Variants in FANCD2 observed in about 807,000 individuals in gnomAD.
FANCD2 encodes the protein FA complementation group D2.
Under a neutral mutation model 192.3 loss-of-function variants are expected in FANCD2, and 131 were observed. The observed-to-expected ratio is 0.68, with a 90% CI of 0.59 to 0.79. The LOEUF (loss-of-function observed/expected upper bound fraction) is 0.79, where lower values mean the gene tolerates loss of function less well. Ranked by LOEUF, FANCD2 falls within the 30% of genes least tolerant of loss-of-function variation. FANCD2 has a pLI of 0.00. For synonymous variants in FANCD2, 524 were observed against 612.5 expected (o/e 0.86, Z 2.13); for missense variants, 1,508 against 1,701.6 (o/e 0.89, Z 2.00).
chr3:10,067,351 A>G (rs769202819), intron 26 of FANCD2, 34 bp downstream of exon 26: 10 of 1,251,846 alleles, frequency 8.0e-6, no homozygotes, highest in African/African-American at 3.0e-5. Context: ...TAGTACTACT[A>G]GGCCAGTAGT....
intron 29 of FANCD2, among the ~76,000 whole-genome samples, chr3:10,077,419 G>A (rs1179259395): frequency 1.3e-5 from 2 of 152,090 alleles, no homozygotes. Flanking sequence ...GTCAGGCATG[G>A]TGGTGGGCAC....
Position 10,081,265 on chromosome 3 carries a change from T to G in FANCD2, c.3105+37T>G, listed in dbSNP as rs1423646490. The G allele has an allele frequency of 5.0e-6, 8 of 1,613,834 alleles. No homozygotes were observed. The East Asian group carries it at 8.9e-5, about 18-fold the overall frequency. On this transcript the variant is annotated intron_variant, in intron 31 of 43. Transcript: ENST00000675286. Reference sequence around the variant, plus strand: ...AGACTTAGAAGCTGCTAAGCAAATATGAGGTTTCATTTTTGGCTGAGAAAA... The same window carrying G: ...AGACTTAGAAGCTGCTAAGCAAATAGGAGGTTTCATTTTTGGCTGAGAAAA...
Position 10,044,698 on chromosome 3 carries a change from A to G in FANCD2, c.1134+834A>G, listed in dbSNP as rs773297233. Among the ~76,000 whole-genome samples, 7 of 152,130 alleles carry G rather than the reference A, an allele frequency of 4.6e-5. No individual in the cohort carries two copies. In the South Asian group the frequency reaches 6.2e-4, roughly 13 times the overall value. On this transcript the variant is annotated intron_variant, in intron 14 of 43. Coordinates refer to ENST00000675286, the MANE Select transcript of FANCD2 (RefSeq NM_001018115.3). ...GGATTTTTGTTAGTTTTGTTATCCA[A>G]TTTTGGGATGATTATCTTAAAAGCT...
chr3:10,065,529 A>T (rs2087695675), intron 24 of FANCD2, 35 bp downstream of exon 24: 1 of 1,373,104 alleles, frequency 7.3e-7, no homozygotes, highest in Non-Finnish European at 1.0e-6. Context: ...TTTCTTCTTT[A>T]TACTCTTCCT....
intron 16 of FANCD2, among the ~76,000 whole-genome samples, chr3:10,048,589 G>C (rs2087102555): frequency 1.3e-5 from 2 of 152,236 alleles, no homozygotes; most frequent in Non-Finnish European, 2.9e-5. Flanking sequence ...ATAGGCGTGA[G>C]CCATTGGGCC....
intron 34 of FANCD2, among the ~76,000 whole-genome samples, chr3:10,087,758 C>G (rs892129301): frequency 5.3e-5 from 8 of 152,212 alleles, no homozygotes; most frequent in Middle Eastern, 3.4e-3. Flanking sequence ...AAACGATTCT[C>G]CTGCCTCAGC....
intron 3 of FANCD2, among the ~76,000 whole-genome samples, chr3:10,033,949 G>A (rs1282614034): frequency 3.3e-5 from 5 of 150,156 alleles, no homozygotes; most frequent in African/African-American, 4.9e-5. Context: ...CACCTGCCTC[G>A]GCCTCCCAAA....
chr3:10,090,384 A>T lies in FANCD2; in HGVS notation c.3776A>T (p.Gln1259Leu), dbSNP rs1486214768. The T allele has an allele frequency of 6.3e-7, 1 of 1,594,872 alleles. No individual in the cohort carries two copies. The highest frequency in any genetic ancestry group is 1.7e-5 in the Admixed American group (1 of 59,680). Residue 1259 changes from glutamine (Q) to leucine (L), a missense_variant and splice_region_variant, in exon 37 of 44, where the codon CAG becomes CTG. By Grantham distance (113) the Gln-to-Leu change is moderately radical (BLOSUM62 -2). Coordinates refer to ENST00000675286, the MANE Select transcript of FANCD2 (RefSeq NM_001018115.3). ...CCTGGCACAGCAGCAGACTCGCAGC[A>T]GGTGAGTAAGATAATAGTCACTTCA... Reference protein sequence around the residue: ...IEPGTAADSQQIHEEKLLYWN... With the variant: ...IEPGTAADSQLIHEEKLLYWN...
At chr3:10,099,773 G>A (rs1028455159) in intron 43 of FANCD2, 2 of 152,108 alleles carry the variant, frequency 1.3e-5, no homozygotes, top group Non-Finnish European at 2.9e-5. Context: ...CAACAAAAAA[G>A]TGTACATTTA....
chr3:10,039,897 A>G (rs759101076), intron 9 of FANCD2, 52 bp downstream of exon 9: 3 of 1,610,308 alleles, frequency 1.9e-6, no homozygotes, highest in Admixed American at 1.7e-5. Context: ...TGGGGGTTCT[A>G]TCACTGCAGT....
intron 15 of FANCD2, 127 bp from the exon 16 acceptor site, chr3:10,047,790 G>C (rs1376044494): frequency 1.6e-5 from 18 of 1,124,638 alleles, no homozygotes; most frequent in Middle Eastern, 2.9e-4. Context: ...CAAAGATTAA[G>C]ATTTCCTAAG....
At chr3:10,097,933 G>A (rs898200011) in intron 42 of FANCD2, among the ~76,000 whole-genome samples, 6 of 152,110 alleles carry the variant, frequency 3.9e-5, no homozygotes, top group Admixed American at 3.3e-4. Context: ...CCCTCCGTTT[G>A]GGGTCCCTGA....
intron 43 of FANCD2, among the ~76,000 whole-genome samples, chr3:10,100,108 A>G (rs1301601062): frequency 6.6e-6 from 1 of 152,154 alleles, no homozygotes; most frequent in East Asian, 1.9e-4. Flanking sequence ...GGGTTGCTCA[A>G]GCCCAGGAGG....
At chr3:10,040,300 T>G in intron 9 of FANCD2, 1 of 348,950 alleles carries the variant, frequency 2.9e-6, no homozygotes, top group Non-Finnish European at 5.6e-6. Flanking sequence ...CCTCCCAGAG[T>G]GCTGGGATTA....
In FANCD2 at chr3:10,098,969, A is replaced by C. The variant is rs766391203; in HGVS notation, c.4281+154A>C. 22 of 1,614,038 alleles carry C rather than the reference A, an allele frequency of 1.4e-5. No homozygotes were observed. In the Admixed American group the frequency reaches 1.5e-4, roughly 11 times the overall value. On this transcript the variant is annotated intron_variant, in intron 43 of 43. Coordinates refer to ENST00000675286, the MANE Select transcript of FANCD2 (RefSeq NM_001018115.3). ...TCCATAACAGCTTCTGTGCTTATAT[A>C]ATTTTTGGGACCCAGAAGAAACAAC...
intron 26 of FANCD2, among the ~76,000 whole-genome samples, chr3:10,067,991 C>A (rs1214029775): frequency 1.3e-5 from 2 of 152,074 alleles, no homozygotes; most frequent in African/African-American, 4.8e-5. Flanking sequence ...TCATAAAAAA[C>A]CCTCAGAAAA....
intron 26 of FANCD2, among the ~76,000 whole-genome samples, chr3:10,070,978 G>T (rs931963937): frequency 6.8e-6 from 1 of 146,996 alleles, no homozygotes; most frequent in African/African-American, 2.5e-5. Context: ...AGTACCCAGG[G>T]ACACAAACAC....
chr3:10,043,562 T>C lies in FANCD2; in HGVS notation c.1068T>C (p.Tyr356=), dbSNP rs531943246. 20 of 1,613,522 alleles carry C rather than the reference T, an allele frequency of 1.2e-5. No individual in the cohort carries two copies. The African/African-American group carries it at 2.4e-4, about 19-fold the overall frequency. ...ATGTAATAAAGTCAGCTATTAGATA[T>C]GAGAAAACCATTTCAGAAGCCTGGA... ...LFDVIKSAIR[Y]EKTISEAWIK... is the part of the protein sequence containing the mutation. The change falls in exon 13 of 44, where the codon TAT becomes TAC. Residue 356 remains tyrosine, a synonymous_variant. Coordinates refer to ENST00000675286, the MANE Select transcript of FANCD2 (RefSeq NM_001018115.3).
chr3:10,032,434 C>T (rs2086625369), intron 2 of FANCD2: 1 of 283,230 alleles, frequency 3.5e-6, no homozygotes, highest in South Asian at 3.1e-5. Flanking sequence ...GTGTGCGTCT[C>T]CTCACCTAAC....
Sources: allele counts gnomAD v4.1 joint callset (sites outside exome capture counted in the v4.1 genomes callset), GRCh38; gene constraint gnomAD v4.1.1; transcripts MANE v1.5; gene names NCBI Gene and HGNC (gene_info 2026-07-23, HGNC 2026-07-21).